SH3PXD2A: variants seen among roughly 807,000 people sequenced by gnomAD.
SH3PXD2A encodes SH3 and PX domain-containing protein 2A.
Under a neutral mutation model 115.2 loss-of-function variants are expected in SH3PXD2A, and 32 were observed. The ratio of observed to expected loss-of-function variants is 0.28; its 90% CI spans 0.21 to 0.37. The LOEUF is 0.37. Among genes scored for constraint, SH3PXD2A ranks in the 10% least tolerant of loss-of-function variants. The probability of loss-of-function intolerance (pLI) is 1.00; values close to 1 mark genes in which losing one functional copy is unlikely to be tolerated. For missense variants in SH3PXD2A, 1,328 were observed against 1,498.7 expected (o/e 0.89, Z 1.88); for synonymous variants, 610 against 629.1 (o/e 0.97, Z 0.45).
intron 1 of SH3PXD2A, among the ~76,000 whole-genome samples, chr10:103,836,568 ACAC>A (rs1564900946): frequency 6.6e-6 from 1 of 151,412 alleles, no homozygotes; most frequent in Non-Finnish European, 1.5e-5. Flanking sequence ...ATCCATACAC[ACAC>A]AACACATCCA....
At chr10:103,701,837 C>A (rs1236953787) in intron 5 of SH3PXD2A, among the ~76,000 whole-genome samples, 2 of 149,146 alleles carry the variant, frequency 1.3e-5, no homozygotes, top group East Asian at 2.1e-4. Context: ...CATCTATCTA[C>A]CATCTATCCA....
chr10:103,804,314 C>CTTTTTT (rs58737094), intron 1 of SH3PXD2A, among the ~76,000 whole-genome samples: 20 of 59,690 alleles, frequency 3.4e-4, no homozygotes, highest in African/African-American at 3.9e-4. Flanking sequence ...TTGACATCAT[C>CTTTTTT]TTTTTTTTTT....
At position 103,601,789 on chromosome 10, in the gene SH3PXD2A, T is replaced by C. The variant is rs767547406; in HGVS notation, c.*27A>G. 2.0e-5 allele frequency: 29 copies of C among 1,468,752 alleles called. No individual in the cohort carries two copies. The highest frequency in any genetic ancestry group is 2.6e-5 in the Non-Finnish European group (29 of 1,104,128). The allele number at this position is 1,468,752 out of a possible 1,614,324, so 91.0% of individuals were successfully genotyped here. On this transcript the variant is annotated 3_prime_UTR_variant, in exon 15 of 15. Coordinates refer to ENST00000369774, the MANE Select transcript of SH3PXD2A (RefSeq NM_001394015.1). ...CCAGTGGGCGGCCAGAGAGGCACAC[T>C]GAGGCTGGAAGAGCCCAGGCCCTCT... is the stretch of plus-strand genomic sequence containing the variant.
At chr10:103,774,938 G>A (rs545827971) in intron 2 of SH3PXD2A, among the ~76,000 whole-genome samples, 2 of 152,270 alleles carry the variant, frequency 1.3e-5, no homozygotes, top group South Asian at 2.1e-4. Flanking sequence ...CCAGCTGGAC[G>A]CCTGGAGTGT....
chr10:103,814,101 T>C (rs539186237), intron 1 of SH3PXD2A, among the ~76,000 whole-genome samples: 1 of 151,990 alleles, frequency 6.6e-6, no homozygotes, highest in East Asian at 1.9e-4. Context: ...GCCTTTAAGA[T>C]ATCTAGTTAG....
At chr10:103,783,210 T>C in intron 2 of SH3PXD2A, among the ~76,000 whole-genome samples, 1 of 152,178 alleles carries the variant, frequency 6.6e-6, no homozygotes, top group East Asian at 1.9e-4. Context: ...AGTTTGGAGT[T>C]CATTCCAAAA....
chr10:103,611,366 G>C (rs1001849813), intron 13 of SH3PXD2A, among the ~76,000 whole-genome samples: 4 of 152,226 alleles, frequency 2.6e-5, no homozygotes, highest in Non-Finnish European at 5.9e-5. Context: ...AGTGCAGTGT[G>C]TTTCCGATTA....
At chr10:103,701,573 A>G (rs1158453962) in intron 5 of SH3PXD2A, among the ~76,000 whole-genome samples, 2 of 140,168 alleles carry the variant, frequency 1.4e-5, no homozygotes, top group East Asian at 4.5e-4. Flanking sequence ...CTATCCATTC[A>G]TCCATCCATC....
chr10:103,732,551 C>T (rs2038333129), intron 4 of SH3PXD2A, among the ~76,000 whole-genome samples: 2 of 152,352 alleles, frequency 1.3e-5, no homozygotes, highest in African/African-American at 4.8e-5. Flanking sequence ...GGTGGTGGGA[C>T]TGGCTGGCCA....
chr10:103,743,144 G>A (rs143438631), intron 3 of SH3PXD2A, among the ~76,000 whole-genome samples: 126 of 152,294 alleles, frequency 8.3e-4, no homozygotes, highest in African/African-American at 2.9e-3. Context: ...GCCTCCATCC[G>A]TGTTGTTTGC....
intron 9 of SH3PXD2A, among the ~76,000 whole-genome samples, chr10:103,623,911 A>G (rs1027888271): frequency 6.6e-6 from 1 of 152,240 alleles, no homozygotes; most frequent in Non-Finnish European, 1.5e-5. Context: ...GACCAGAGGC[A>G]GCTTTCACAG....
chr10:103,769,188 G>GCA (rs2038792692), intron 2 of SH3PXD2A, among the ~76,000 whole-genome samples: 1 of 148,730 alleles, frequency 6.7e-6, no homozygotes, highest in East Asian at 2.0e-4. Context: ...GTGTGCGCGC[G>GCA]CGCGCGCATT....
At chr10:103,644,717 A>G (rs1398590907) in intron 8 of SH3PXD2A, among the ~76,000 whole-genome samples, 2 of 152,186 alleles carry the variant, frequency 1.3e-5, no homozygotes, top group East Asian at 3.9e-4. Flanking sequence ...ACTGGATGGT[A>G]GCCCATCCCT....
Position 103,801,289 on chromosome 10 carries a change from T to A in SH3PXD2A, c.146A>T (p.Asp49Val). 1 of 1,606,386 alleles carries A rather than the reference T, an allele frequency of 6.2e-7. No homozygotes were observed. The highest frequency in any genetic ancestry group is 2.2e-5 in the East Asian group (1 of 44,838). ...TIYRRYSKFFDLQMQLLDKFP... is the reference protein window; with the variant it reads ...TIYRRYSKFFVLQMQLLDKFP... ...GAGCTCTGACAAACTCACCTGCAGGTCAAAGAACTTGCTGTACCTCCGGTA... is the reference window on the plus strand; with the variant it reads ...GAGCTCTGACAAACTCACCTGCAGGACAAAGAACTTGCTGTACCTCCGGTA... Residue 49 changes from aspartate to valine, a missense_variant, in exon 2 of 15, where the codon GAC becomes GTC. Transcript: ENST00000369774.
At position 103,844,830 on chromosome 10, in the gene SH3PXD2A, C is replaced by T. The variant is rs145937576; in HGVS notation, c.72+10365G>A. ...GTTATAAATCAAAGGCCATGCAATG[C>T]CTGGCACAAAATGGGAATTCAATAT... On this transcript the variant is annotated intron_variant, in intron 1 of 14. Transcript: ENST00000369774. Among the ~76,000 whole-genome samples, 1,209 of 152,272 alleles carry T rather than the reference C, an allele frequency of 7.9e-3. 4 individuals are homozygous for T. Among genetic ancestry groups the T allele is most frequent in the Middle Eastern group, 0.034 (10 of 294 alleles).
At position 103,651,432 on chromosome 10, in the gene SH3PXD2A, G is replaced by A. The variant is rs565376564; in HGVS notation, c.604+9551C>T. On this transcript the variant is annotated intron_variant, in intron 8 of 14. Transcript: ENST00000369774. ...CAGTGGGGCTTTAGCACAACTGACC[G>A]CTGCTTTCCTGTGCTCTGTGGCCAG... Among the ~76,000 whole-genome samples, 20 of 152,362 alleles carry A rather than the reference G, an allele frequency of 1.3e-4. No homozygotes were observed. In the South Asian group the frequency reaches 1.4e-3, roughly 11 times the overall value.
intron 8 of SH3PXD2A, among the ~76,000 whole-genome samples, chr10:103,633,000 G>A (rs576207774): frequency 4.0e-5 from 6 of 151,496 alleles, no homozygotes; most frequent in African/African-American, 9.7e-5. Context: ...ACCTCCCCCC[G>A]GCCAAAAAAA....
chr10:103,765,144 T>C (rs1040446808), intron 3 of SH3PXD2A, among the ~76,000 whole-genome samples: 1 of 152,166 alleles, frequency 6.6e-6, no homozygotes, highest in African/African-American at 2.4e-5. Context: ...GCAACTTCTC[T>C]GTATTGGTAA....
chr10:103,719,249 G>A (rs906163358), intron 5 of SH3PXD2A, among the ~76,000 whole-genome samples: 4 of 152,236 alleles, frequency 2.6e-5, no homozygotes, highest in African/African-American at 7.2e-5. Flanking sequence ...TGGAGGTGGG[G>A]AGCGGGTGCT....
Sources: gnomAD v4.1 joint callset for allele counts (sites outside exome capture counted in the v4.1 genomes callset) on GRCh38, gnomAD v4.1.1 for gene constraint, MANE v1.5 for transcripts, NCBI Gene and HGNC (gene_info 2026-07-23, HGNC 2026-07-21) for gene names.